TAB2: variants seen among roughly 807,000 people sequenced by gnomAD.
The protein encoded by TAB2 is TGF-beta activated kinase 1 (MAP3K7) binding protein 2.
TAB2 carries 3 observed loss-of-function variants against 65.0 expected under a neutral mutation model. The ratio of observed to expected loss-of-function variants is 0.05; its 90% CI spans 0.02 to 0.12. TAB2 has a LOEUF of 0.12. Among genes scored for constraint, TAB2 ranks in the 10% least tolerant of loss-of-function variants. The probability of loss-of-function intolerance (pLI) is 1.00; values close to 1 mark genes in which losing one functional copy is unlikely to be tolerated. For missense variants in TAB2, 623 were observed against 840.3 expected (o/e 0.74, Z 3.20); for synonymous variants, 298 against 285.1 (o/e 1.05, Z -0.46).
chr6:149,364,393 C>G (rs1464749209), intron 1 of TAB2, among the ~76,000 whole-genome samples: 2 of 152,058 alleles, frequency 1.3e-5, no homozygotes, highest in Non-Finnish European at 2.9e-5. Context: ...TGCTCCCATG[C>G]TCTGCTTTGG....
At chr6:149,360,299 A>G (rs1159085073) in intron 1 of TAB2, among the ~76,000 whole-genome samples, 1 of 152,172 alleles carries the variant, frequency 6.6e-6, no homozygotes, top group East Asian at 1.9e-4. Context: ...ATTGGCTCCT[A>G]GTTCTGCAGG....
In TAB2 at chr6:149,369,996, G is replaced by T; in HGVS notation, c.-2G>T. 6.2e-7 allele frequency: 1 copy of T among 1,613,640 alleles called. No homozygotes were observed. The highest frequency in any genetic ancestry group is 8.5e-7 in the Non-Finnish European group (1 of 1,179,680). ...AAATAGTCCTGATCAGGCAATATACGAATGGCCCAAGGAAGCCACCAAATT... is the reference window on the plus strand; with the variant it reads ...AAATAGTCCTGATCAGGCAATATACTAATGGCCCAAGGAAGCCACCAAATT... On this transcript the variant is annotated 5_prime_UTR_variant, in exon 2 of 7. Transcript: ENST00000637181.
At chr6:149,345,139 G>A (rs541200880) in intron 1 of TAB2, among the ~76,000 whole-genome samples, 1 of 151,840 alleles carries the variant, frequency 6.6e-6, no homozygotes, top group Non-Finnish European at 1.5e-5. Context: ...GTCAGTTTGA[G>A]TGCTTGCATA....
At chr6:149,273,017 C>T (rs1778391173) in intron 1 of TAB2, among the ~76,000 whole-genome samples, 1 of 151,910 alleles carries the variant, frequency 6.6e-6, no homozygotes, top group Non-Finnish European at 1.5e-5. Flanking sequence ...ATCACCCCCA[C>T]CCCCTTACCT....
upstream of TAB2, among the ~76,000 whole-genome samples, chr6:149,316,732 G>A (rs1267443945): frequency 1.3e-5 from 2 of 152,044 alleles, no homozygotes; most frequent in Non-Finnish European, 2.9e-5. Context: ...TCTGCTTCTA[G>A]GACTTCTAGG....
intron 3 of TAB2, among the ~76,000 whole-genome samples, chr6:149,394,193 C>T (rs1335095688): frequency 6.6e-6 from 1 of 151,826 alleles, no homozygotes; most frequent in Admixed American, 6.6e-5. Flanking sequence ...CTTCTGTGTC[C>T]AGTGTGTTAA....
chr6:149,294,340 T>C (rs1340097934), intron 1 of TAB2, among the ~76,000 whole-genome samples: 1 of 152,182 alleles, frequency 6.6e-6, no homozygotes, highest in Non-Finnish European at 1.5e-5. Context: ...CTGTGCCCAT[T>C]TGTGTTCAAA....
intron 2 of TAB2, among the ~76,000 whole-genome samples, chr6:149,372,866 T>C (rs923229709): frequency 3.3e-5 from 5 of 152,220 alleles, no homozygotes; most frequent in African/African-American, 1.2e-4. Flanking sequence ...TGACAGCGTC[T>C]CTTTTGGGGC....
intron 1 of TAB2, among the ~76,000 whole-genome samples, chr6:149,282,715 C>G (rs1197207153): frequency 2.0e-5 from 3 of 152,168 alleles, no homozygotes; most frequent in Admixed American, 6.5e-5. Context: ...TTTAGGGCAA[C>G]AGTCAGAACA....
intron 1 of TAB2, among the ~76,000 whole-genome samples, chr6:149,321,843 A>C (rs747159443): frequency 2.0e-5 from 3 of 152,188 alleles, no homozygotes; most frequent in Non-Finnish European, 2.9e-5. Flanking sequence ...AAGTTTTGGC[A>C]CTTAAAAGTA....
intron 1 of TAB2, among the ~76,000 whole-genome samples, chr6:149,278,204 T>C (rs1391341674): frequency 6.6e-6 from 1 of 152,214 alleles, no homozygotes; most frequent in East Asian, 1.9e-4. Flanking sequence ...GTACCTGTTG[T>C]AATAAATATA....
intron 1 of TAB2, among the ~76,000 whole-genome samples, chr6:149,345,080 C>CT (rs1780250197): frequency 1.3e-5 from 2 of 152,160 alleles, no homozygotes; most frequent in African/African-American, 2.4e-5. Flanking sequence ...CCCCTTACCT[C>CT]TTTCCTTTAA....
intron 1 of TAB2, among the ~76,000 whole-genome samples, chr6:149,318,277 G>GA (rs972173830): frequency 2.6e-5 from 4 of 151,828 alleles, no homozygotes; most frequent in Non-Finnish European, 5.9e-5. Context: ...TCCGTGCGGG[G>GA]GGGGAGGGGG....
chr6:149,358,780 C>G (rs1204185730), intron 1 of TAB2, among the ~76,000 whole-genome samples: 2 of 151,708 alleles, frequency 1.3e-5, no homozygotes, highest in Admixed American at 6.6e-5. Context: ...CTATTAGATG[C>G]AGTAGTATTT....
At chr6:149,229,156 C>T (rs1777346885) in intron 1 of TAB2, among the ~76,000 whole-genome samples, 1 of 152,122 alleles carries the variant, frequency 6.6e-6, no homozygotes, top group South Asian at 2.1e-4. Flanking sequence ...ACAAAGCAAG[C>T]CAGCCGTCTA....
chr6:149,264,800 C>T (rs112328666), intron 1 of TAB2, among the ~76,000 whole-genome samples: 1 of 152,214 alleles, frequency 6.6e-6, no homozygotes, highest in African/African-American at 2.4e-5. Context: ...CAAGGCAAGC[C>T]ACAGCGGAAA....
intron 1 of TAB2, among the ~76,000 whole-genome samples, chr6:149,289,902 G>A (rs866032747): frequency 6.6e-6 from 1 of 152,142 alleles, no homozygotes; most frequent in Non-Finnish European, 1.5e-5. Flanking sequence ...GTGGGCGTGG[G>A]GGGCACAGTG....
At chr6:149,387,383 G>A (rs960798386) in intron 3 of TAB2, among the ~76,000 whole-genome samples, 2 of 152,158 alleles carry the variant, frequency 1.3e-5, no homozygotes, top group African/African-American at 4.8e-5. Flanking sequence ...TCCTCATTGA[G>A]TGATTTTGGC....
chr6:149,239,431 G>A (rs1399351754), intron 1 of TAB2, among the ~76,000 whole-genome samples: 1 of 152,196 alleles, frequency 6.6e-6, no homozygotes, highest in South Asian at 2.1e-4. Flanking sequence ...TCAAAACGAG[G>A]TCATGGACAA....
Sources: gnomAD v4.1 joint callset for allele counts (sites outside exome capture counted in the v4.1 genomes callset) on GRCh38, gnomAD v4.1.1 for gene constraint, MANE v1.5 for transcripts, NCBI Gene and HGNC (gene_info 2026-07-23, HGNC 2026-07-21) for gene names.